The following PEAK3 variants were observed in gnomAD, a reference collection of about 807,000 sequenced individuals.
PEAK3 encodes the protein protein PEAK3.
Under a neutral mutation model 13.3 loss-of-function variants are expected in PEAK3, and 15 were observed. That is an observed-to-expected ratio of 1.13 (90% CI 0.75 to 1.73). The LOEUF is 1.73. Among genes scored for constraint, PEAK3 ranks in the 40% most tolerant of loss-of-function variants. The probability of loss-of-function intolerance (pLI) is 0.00; values close to 1 mark genes in which losing one functional copy is unlikely to be tolerated. For missense variants in PEAK3, 739 were observed against 690.2 expected, an observed-to-expected ratio of 1.07 and a Z score of -0.79; for synonymous variants, 347 against 341.9, an observed-to-expected ratio of 1.01 and a Z score of -0.17.
chr19:2,276,263 G>A lies in PEAK3; in HGVS notation c.839C>T (p.Ala280Val). 6.3e-7 allele frequency: 1 copy of A among 1,592,324 alleles called. No individual in the cohort carries two copies. The highest frequency in any genetic ancestry group is 1.1e-5 in the South Asian group (1 of 89,274). ...CAGCTGCAGCAGCAGCAGGGCCACA[G>A]CCCACACGAACTCCTCCGGCGGCTG... ...CTQPPEEFVW[A>V]VALLLLQLSA... is the part of the protein sequence containing the mutation. Residue 280 changes from alanine (A) to valine (V), a missense_variant, in exon 4 of 4, where the codon GCT becomes GTT. Coordinates refer to ENST00000342063, the MANE Select transcript of PEAK3 (RefSeq NM_198532.3).
In PEAK3 at chr19:2,279,070, G is replaced by A. The variant is rs973847246; in HGVS notation, c.126C>T (p.Leu42=). ...TGGTGGAGAGGGACCCAGGGGTCCGGAGGCGGCAGGCCTTGGAGGGCAGCA... is the reference window on the plus strand; with the variant it reads ...TGGTGGAGAGGGACCCAGGGGTCCGAAGGCGGCAGGCCTTGGAGGGCAGCA... ...AHLLPSKACR[L]RTPGSLSTNP... The change falls in exon 3 of 4, where the codon CTC becomes CTT. Residue 42 remains leucine (L), a synonymous_variant. Coordinates refer to ENST00000342063, the MANE Select transcript of PEAK3 (RefSeq NM_198532.3). 5 of 1,474,196 alleles carry A rather than the reference G, an allele frequency of 3.4e-6. No individual in the cohort carries two copies. Among genetic ancestry groups the A allele is most frequent in the Non-Finnish European group, 3.6e-6 (4 of 1,107,908 alleles). 91.3% of individuals were successfully genotyped at this position (1,474,196 alleles called of 1,614,324 possible).
intron 2 of PEAK3, 24 bp downstream of exon 2, chr19:2,280,826 A>G (rs759932346): frequency 6.3e-7 from 1 of 1,594,936 alleles, no homozygotes; most frequent in South Asian, 1.1e-5. Flanking sequence ...CCCGCAGCCC[A>G]GGGCTCCCTG....
chr19:2,275,543 G>T lies in PEAK3; in HGVS notation c.*137C>A. 1 of 747,172 alleles carries T rather than the reference G, an allele frequency of 1.3e-6. No individual in the cohort carries two copies. The highest frequency in any genetic ancestry group is 1.8e-5 in the African/African-American group (1 of 54,432). 46.3% of individuals were successfully genotyped at this position (747,172 alleles called of 1,614,324 possible). On this transcript the variant is annotated 3_prime_UTR_variant, in exon 4 of 4. Coordinates refer to ENST00000342063, the MANE Select transcript of PEAK3 (RefSeq NM_198532.3). ...CCAGCACGGGAGGGGAGGCTCTGGAGTGGGGCATTGCTCTCTCTGCTGCGC... is the reference window on the plus strand; with the variant it reads ...CCAGCACGGGAGGGGAGGCTCTGGATTGGGGCATTGCTCTCTCTGCTGCGC...
At position 2,278,660 on chromosome 19, in the gene PEAK3, C is replaced by T. The variant is rs1308989182; in HGVS notation, c.536G>A (p.Cys179Tyr). 2.0e-6 allele frequency: 3 copies of T among 1,513,376 alleles called. No individual in the cohort carries two copies. The highest frequency in any genetic ancestry group is 2.2e-5 in the Admixed American group (1 of 44,634). 93.7% of individuals were successfully genotyped at this position (1,513,376 alleles called of 1,614,324 possible). The change falls in exon 3 of 4, where the codon TGC (cysteine) becomes TAC (tyrosine). Residue 179 changes from cysteine (C) to tyrosine (Y), a missense_variant. Coordinates refer to ENST00000342063, the MANE Select transcript of PEAK3 (RefSeq NM_198532.3). ...ATACAGGGCGTCCCCGCTCTCTGCG[C>T]AGGGTGAGCTGTCTAGGAGGCGGAA... ...HSFRLLDSSP[C>Y]AESGDALYYR...
rs2145066221 is a variant in PEAK3, at chr19:2,274,693, C to G, written c.*987G>C. 6.6e-6 allele frequency: 1 copy of G among 152,282 alleles called. No individual in the cohort carries two copies. The highest frequency in any genetic ancestry group is 1.5e-5 in the Non-Finnish European group (1 of 68,062). 9.4% of individuals were successfully genotyped at this position (152,282 alleles called of 1,614,324 possible). On this transcript the variant is annotated 3_prime_UTR_variant, in exon 4 of 4. Coordinates refer to ENST00000342063, the MANE Select transcript of PEAK3 (RefSeq NM_198532.3). ...TTGTTTAGAGAAAGTGAAACTGTAG[C>G]CGGGCGCGGTGGCTCACGCCTGTAA...
rs1599156768 is a variant in PEAK3, at chr19:2,275,582, A to G, written c.*98T>C. ...TCTCTGCTGCGCTCCTGGACTCTGC[A>G]GGAAGAGGGTGTCTTGGCTATCATG... On this transcript the variant is annotated 3_prime_UTR_variant, in exon 4 of 4. Transcript: ENST00000342063. 1.8e-6 allele frequency: 2 copies of G among 1,121,158 alleles called. No homozygotes were observed. The highest frequency in any genetic ancestry group is 2.3e-5 in the South Asian group (1 of 43,372). 69.5% of individuals were successfully genotyped at this position (1,121,158 alleles called of 1,614,324 possible). A position where few individuals can be genotyped will look rare whatever the true frequency, so the allele number is the denominator to read the frequency against.
At position 2,278,911 on chromosome 19, in the gene PEAK3, A is replaced by G. The variant is rs2025416901; in HGVS notation, c.285T>C (p.Ser95=). 6.2e-7 allele frequency: 1 copy of G among 1,601,884 alleles called. No homozygotes were observed. ...CCACTGCAGCCTGGCTCTTGTCCAC[A>G]CTGTGGGACCCCAGAAAGGGTCTCC... is the stretch of plus-strand genomic sequence containing the variant. The part of the protein sequence containing the change: ...PPRRPFLGSH[S]VDKSQAAVGP... The change falls in exon 3 of 4, where the codon AGT becomes AGC. Residue 95 remains serine (S), a synonymous_variant. Transcript: ENST00000342063.
At chr19:2,279,381 G>A (rs1460473004) in intron 2 of PEAK3, among the ~76,000 whole-genome samples, 1 of 152,128 alleles carries the variant, frequency 6.6e-6, no homozygotes, top group Admixed American at 6.6e-5. Context: ...ACGCGGCCAT[G>A]CACAATGGCT....
At position 2,278,790 on chromosome 19, in the gene PEAK3, T is replaced by C. The variant is rs2025415498; in HGVS notation, c.406A>G (p.Thr136Ala). The change falls in exon 3 of 4, where the codon ACT becomes GCT. Residue 136 changes from threonine (T) to alanine (A), a missense_variant. Transcript: ENST00000342063. ...TGCAGCTGCCGCGCAGCCAGTGCAG[T>C]GTGCACAGCCTCCGGGCTGTGCAGA... is the stretch of plus-strand genomic sequence containing the variant. ...RDLHSPEAVH[T>A]ALAARQLQGL... 2 of 1,581,832 alleles carry C rather than the reference T, an allele frequency of 1.3e-6. No homozygotes were observed. The highest frequency in any genetic ancestry group is 1.3e-5 in the African/African-American group (1 of 74,142).
intron 2 of PEAK3, 119 bp downstream of exon 2, chr19:2,280,731 C>A: frequency 1.3e-6 from 1 of 768,362 alleles, no homozygotes; most frequent in Non-Finnish European, 2.1e-6. Flanking sequence ...TGCTGCTGTT[C>A]CCAGAGGCCA....
chr19:2,275,293 C>A lies in PEAK3; in HGVS notation c.*387G>T, dbSNP rs1017555613. ...CCAGAGCCAGGAATGCCTCTGGTCC[C>A]GGCATTGGCCTCTCATGGAGACAAT... On this transcript the variant is annotated 3_prime_UTR_variant, in exon 4 of 4. Transcript: ENST00000342063. 2.9e-5 allele frequency: 5 copies of A among 170,836 alleles called. No individual in the cohort carries two copies. The South Asian group carries it at 7.9e-4, about 27-fold the overall frequency. The allele number at this position is 170,836 out of a possible 1,614,324, so 10.6% of individuals were successfully genotyped here.
chr19:2,275,948 C>G lies in PEAK3; in HGVS notation c.1154G>C (p.Arg385Pro). The change falls in exon 4 of 4, where the codon CGG becomes CCG. Residue 385 changes from arginine to proline, a missense_variant. Transcript: ENST00000342063. ...ELLAAQLTRL[R>P]PSASRTRGAL... ...GCCCCGCGTCCGGGACGCCGAGGGC[C>G]GCAAGCGGGTCAGCTGTGCTGCCAG... 9 of 1,396,606 alleles carry G rather than the reference C, an allele frequency of 6.4e-6. No homozygotes were observed. The highest frequency in any genetic ancestry group is 1.5e-5 in the African/African-American group (1 of 65,470). 86.5% of individuals were successfully genotyped at this position (1,396,606 alleles called of 1,614,324 possible).
intron 1 of PEAK3, 99 bp from the exon 2 acceptor site, chr19:2,281,034 G>A (rs1435302494): frequency 1.3e-5 from 9 of 701,912 alleles, no homozygotes; most frequent in East Asian, 3.1e-5. Flanking sequence ...GGAGACCGTC[G>A]AGGCCTCCTG....
In PEAK3 at chr19:2,276,013, A is replaced by T. The variant is rs989721883; in HGVS notation, c.1089T>A (p.Ala363=). 2.8e-6 allele frequency: 4 copies of T among 1,421,020 alleles called. No homozygotes were observed. Among genetic ancestry groups the T allele is most frequent in the Non-Finnish European group, 3.7e-6 (4 of 1,092,788 alleles). The allele number at this position is 1,421,020 out of a possible 1,614,324, so 88.0% of individuals were successfully genotyped here. ...CGGCCAAAGGCGTGGTCGAGGGCGC[A>T]GCAAGGCTGAGCAGCGCTCGGAGGA... ...GSLLRALLSL[A]APSTTPLAAG... The change falls in exon 4 of 4, where the codon GCT becomes GCA. Residue 363 remains alanine (A), a synonymous_variant. Coordinates refer to ENST00000342063, the MANE Select transcript of PEAK3 (RefSeq NM_198532.3).
rs1195172261 is a variant in PEAK3, at chr19:2,276,046, C to T, written c.1056G>A (p.Leu352=). 1.4e-6 allele frequency: 2 copies of T among 1,442,128 alleles called. No homozygotes were observed. The highest frequency in any genetic ancestry group is 1.5e-5 in the African/African-American group (1 of 67,832). 89.3% of individuals were successfully genotyped at this position (1,442,128 alleles called of 1,614,324 possible). Residue 352 remains leucine (L), a synonymous_variant, in exon 4 of 4, where the codon CTG becomes CTA. Coordinates refer to ENST00000342063, the MANE Select transcript of PEAK3 (RefSeq NM_198532.3). The stretch of plus-strand genomic sequence containing the variant: ...TGAGCAGCGCTCGGAGGAGGCTGCC[C>T]AGCTGCGGCGCGTGGGGGCCCGGGG... The part of the protein sequence containing the change: ...PGSPGPHAPQ[L]GSLLRALLSL...
intron 1 of PEAK3, 67 bp from the exon 2 acceptor site, chr19:2,281,002 G>A: frequency 4.7e-6 from 5 of 1,065,560 alleles, no homozygotes; most frequent in South Asian, 1.6e-5. Context: ...CATGGGGAGG[G>A]GTCCGTGAGT....
intron 2 of PEAK3, among the ~76,000 whole-genome samples, chr19:2,280,399 T>A (rs1423705900): frequency 6.6e-6 from 1 of 151,760 alleles, no homozygotes; most frequent in Non-Finnish European, 1.5e-5. Flanking sequence ...TGGTATATAT[T>A]TTTTTCTATT....
rs1011611239 is a variant in PEAK3, at chr19:2,275,631, C to G, written c.*49G>C. 2.3e-5 allele frequency: 31 copies of G among 1,363,172 alleles called. No homozygotes were observed. The highest frequency in any genetic ancestry group is 2.6e-5 in the Non-Finnish European group (27 of 1,052,454). 84.4% of individuals were successfully genotyped at this position (1,363,172 alleles called of 1,614,324 possible). A position where few individuals can be genotyped will look rare whatever the true frequency, so the allele number is the denominator to read the frequency against. ...TGGAGACGCTGACCTCAGCCCCAGC[C>G]CTGCCTCCTGGGCAGGCCTGGACCA... On this transcript the variant is annotated 3_prime_UTR_variant, in exon 4 of 4. Transcript: ENST00000342063.
At position 2,276,028 on chromosome 19, in the gene PEAK3, C is replaced by T. The variant is rs746235600; in HGVS notation, c.1074G>A (p.Ala358=). The T allele has an allele frequency of 1.7e-5, 25 of 1,431,428 alleles. 1 individual carries two copies. The South Asian group carries it at 3.0e-4, about 17-fold the overall frequency. The allele number at this position is 1,431,428 out of a possible 1,614,324, so 88.7% of individuals were successfully genotyped here. ...HAPQLGSLLR[A]LLSLAAPSTT... ...TCGAGGGCGCAGCAAGGCTGAGCAGCGCTCGGAGGAGGCTGCCCAGCTGCG... is the reference window on the plus strand; with the variant it reads ...TCGAGGGCGCAGCAAGGCTGAGCAGTGCTCGGAGGAGGCTGCCCAGCTGCG... Residue 358 remains alanine (A), a synonymous_variant, in exon 4 of 4, where the codon GCG becomes GCA. Coordinates refer to ENST00000342063, the MANE Select transcript of PEAK3 (RefSeq NM_198532.3).
Sources: allele counts gnomAD v4.1 joint callset (sites outside exome capture counted in the v4.1 genomes callset), GRCh38; gene constraint gnomAD v4.1.1; transcripts MANE v1.5; gene names NCBI Gene and HGNC (gene_info 2026-07-23, HGNC 2026-07-21).